Variants in GORASP1 observed in about 807,000 individuals in gnomAD.
GORASP1 encodes the protein golgi reassembly stacking protein 1.
Under a neutral mutation model 37.7 loss-of-function variants are expected in GORASP1, and 31 were observed. The observed-to-expected ratio is 0.82, with a 90% CI of 0.62 to 1.11. GORASP1 has a LOEUF of 1.11. GORASP1 is among the 50% of genes least tolerant of loss of function. The pLI, the probability that GORASP1 is intolerant of heterozygous loss-of-function variation, is 0.00. For missense variants in GORASP1, 476 were observed against 560.7 expected, an observed-to-expected ratio of 0.85 and a Z score of 1.53; for synonymous variants, 204 against 224.8, an observed-to-expected ratio of 0.91 and a Z score of 0.83.
Position 39,098,901 on chromosome 3 carries a change from A to T in GORASP1, c.917-8T>A, listed in dbSNP as rs1405927519. On this transcript the variant is annotated splice_region_variant and splice_polypyrimidine_tract_variant and intron_variant, in intron 7 of 8. Coordinates refer to ENST00000319283, the MANE Select transcript of GORASP1 (RefSeq NM_031899.4). The surrounding 1 kb of genome is among the most constrained non-coding windows in gnomAD (Gnocchi z 4.7). ...CCGACACGTCCAGGAAGCCTAGGGG[A>T]GGGTGGTGCAGTTCTTTGCCAGCAA... 6.2e-7 allele frequency: 1 copy of T among 1,613,432 alleles called. No individual in the cohort carries two copies.
At position 39,102,787 on chromosome 3, in the gene GORASP1, C is replaced by T. The variant is rs766833329; in HGVS notation, c.239G>A (p.Arg80His). ...EVFNMKTMRVREVEVVPSNMW... is the reference protein window; with the variant it reads ...EVFNMKTMRVHEVEVVPSNMW... ...GTTGCTGGGCACCACCTCCACCTCG[C>T]GCACCCTCATGGTCTTCATATTGAA... Residue 80 changes from arginine to histidine, a missense_variant, in exon 3 of 9, where the codon CGC (arginine) becomes CAC (histidine). Transcript: ENST00000319283. The surrounding 1 kb of genome is among the most constrained non-coding windows in gnomAD (Gnocchi z 5.0). 4.3e-6 allele frequency: 7 copies of T among 1,614,192 alleles called. No homozygotes were observed. The highest frequency in any genetic ancestry group is 1.6e-4 in the Middle Eastern group (1 of 6,062).
intron 7 of GORASP1, chr3:39,099,145 A>G (rs913922798): frequency 7.6e-6 from 6 of 791,728 alleles, no homozygotes; most frequent in African/African-American, 5.1e-5. Flanking sequence ...TCTGTGTCCA[A>G]TTTGCTGTGT....
intron 1 of GORASP1, among the ~76,000 whole-genome samples, chr3:39,104,411 A>G (rs2035907553): frequency 6.6e-6 from 1 of 152,200 alleles, no homozygotes; most frequent in African/African-American, 2.4e-5. Flanking sequence ...CCCCATATAC[A>G]GAGCCTGGCT....
rs140645777 is a variant in GORASP1, at chr3:39,106,823, A to C, written c.63+656T>G. 405 of 274,418 alleles carry C rather than the reference A, an allele frequency of 1.5e-3. 5 individuals carry two copies. In the East Asian group the frequency reaches 0.04, roughly 27 times the overall value. 17.0% of individuals were successfully genotyped at this position (274,418 alleles called of 1,614,324 possible). On this transcript the variant is annotated intron_variant, in intron 1 of 8. Coordinates refer to ENST00000319283, the MANE Select transcript of GORASP1 (RefSeq NM_031899.4). Reference sequence around the variant, plus strand: ...ACCCCACTCCGTCTCCACTCTCCGGAAGCCTGCTCGCCCAGACCTCCATGT... The same window carrying C: ...ACCCCACTCCGTCTCCACTCTCCGGCAGCCTGCTCGCCCAGACCTCCATGT...
chr3:39,102,542 T>A lies in GORASP1; in HGVS notation c.348+136A>T. 1.2e-6 allele frequency: 1 copy of A among 812,254 alleles called. No individual in the cohort carries two copies. The allele number at this position is 812,254 out of a possible 1,614,324, so 50.3% of individuals were successfully genotyped here. On this transcript the variant is annotated intron_variant, in intron 3 of 8. Coordinates refer to ENST00000319283, the MANE Select transcript of GORASP1 (RefSeq NM_031899.4). This position sits in a 1 kb window ranked among gnomAD's most constrained non-coding sequence, Gnocchi z 5.0. ...ACTGGAATGAGACCACATCCTGCCC[T>A]CAGTCTTCCCTGGCCACTGCTCCAA...
rs753945398 is a variant in GORASP1, at chr3:39,098,346, C to T, written c.1213G>A (p.Glu405Lys). The change falls in exon 9 of 9, where the codon GAG becomes AAG. Residue 405 changes from glutamate (E) to lysine (K), a missense_variant. Physicochemically the swap from Glu to Lys is moderately conservative, Grantham distance 56. Coordinates refer to ENST00000319283, the MANE Select transcript of GORASP1 (RefSeq NM_031899.4). This position sits in a 1 kb window ranked among gnomAD's most constrained non-coding sequence, Gnocchi z 4.7. ...AASPEDGLSA[E>K]LLEAQAEEEP... ...TCCTCAGCCTGAGCTTCAAGCAGCTCGGCGGACAGCCCATCTTCTGGTGAG... is the reference window on the plus strand; with the variant it reads ...TCCTCAGCCTGAGCTTCAAGCAGCTTGGCGGACAGCCCATCTTCTGGTGAG... 1 of 1,614,188 alleles carries T rather than the reference C, an allele frequency of 6.2e-7. No individual in the cohort carries two copies.
rs1247660962 is a variant in GORASP1 at position 39,098,599 on chromosome 3, G to T, written c.1070-110C>A. On this transcript the variant is annotated intron_variant, in intron 8 of 8. Coordinates refer to ENST00000319283, the MANE Select transcript of GORASP1 (RefSeq NM_031899.4). This position sits in a 1 kb window ranked among gnomAD's most constrained non-coding sequence, Gnocchi z 4.7. ...CATTGCCACTCCAGGTTTGATGGGG[G>T]ATTGGAGATGGAGTGTACAAATGCC... 9 of 1,492,054 alleles carry T rather than the reference G, an allele frequency of 6.0e-6. No individual in the cohort carries two copies. Among genetic ancestry groups the T allele is most frequent in the Admixed American group, 4.0e-5 (2 of 50,624 alleles). 92.4% of individuals were successfully genotyped at this position (1,492,054 alleles called of 1,614,324 possible).
intron 1 of GORASP1, 34 bp downstream of exon 1, chr3:39,107,445 C>G (rs750999316): frequency 1.5e-6 from 2 of 1,295,710 alleles, no homozygotes; most frequent in African/African-American, 1.6e-5. Flanking sequence ...GCGGGCGCCT[C>G]GCCAAGGTCA....
In GORASP1 at chr3:39,098,646, G is replaced by C. The variant is rs115379307; in HGVS notation, c.1069+95C>G. 12 of 1,527,788 alleles carry C rather than the reference G, an allele frequency of 7.9e-6. No homozygotes were observed. In the Admixed American group the frequency reaches 1.3e-4, roughly 16 times the overall value. 94.6% of individuals were successfully genotyped at this position (1,527,788 alleles called of 1,614,324 possible). ...TGCCTTGGTGTGGCTGTATCAACCCGATGGCCCACTTCTGCCCAGCTGAGG... is the reference window on the plus strand; with the variant it reads ...TGCCTTGGTGTGGCTGTATCAACCCCATGGCCCACTTCTGCCCAGCTGAGG... On this transcript the variant is annotated intron_variant, in intron 8 of 8. Transcript: ENST00000319283. The surrounding 1 kb of genome is among the most constrained non-coding windows in gnomAD (Gnocchi z 4.7).
intron 3 of GORASP1, chr3:39,101,471 A>C: frequency 2.1e-6 from 1 of 482,370 alleles, no homozygotes; most frequent in Non-Finnish European, 4.1e-6. Flanking sequence ...AGGGTTGCTG[A>C]GAAAAATAAA....
rs1231520481 is a variant in GORASP1 at position 39,102,214 on chromosome 3, G to C, written c.348+464C>G. Among the ~76,000 whole-genome samples the C allele has an allele frequency of 6.6e-6, 1 of 152,136 alleles. No individual in the cohort carries two copies. The highest frequency in any genetic ancestry group is 2.1e-4 in the South Asian group (1 of 4,828). On this transcript the variant is annotated intron_variant, in intron 3 of 8. Transcript: ENST00000319283. The surrounding 1 kb of genome is among the most constrained non-coding windows in gnomAD (Gnocchi z 5.0). ...AACTGTAACACAATTAAGTATCTGT[G>C]TGTCTAAACATTCAGGCATAGAACA...
In GORASP1 at chr3:39,103,123, A is replaced by G. The variant is rs1313274418; in HGVS notation, c.145-242T>C. 6 of 601,920 alleles carry G rather than the reference A, an allele frequency of 1.0e-5. No homozygotes were observed. The highest frequency in any genetic ancestry group is 5.5e-5 in the East Asian group (2 of 36,126). 37.3% of individuals were successfully genotyped at this position (601,920 alleles called of 1,614,324 possible). A position where few individuals can be genotyped will look rare whatever the true frequency, so the allele number is the denominator to read the frequency against. ...CTTCCTCAGCCTGCCAGAAAAAACA[A>G]AGCAAGCAAAAAGCCTCCCAGATCC... On this transcript the variant is annotated intron_variant, in intron 2 of 8. Transcript: ENST00000319283. The surrounding 1 kb of genome is among the most constrained non-coding windows in gnomAD (Gnocchi z 5.2).
rs771360736 is a variant in GORASP1, at chr3:39,101,067, G to A, written c.384C>T (p.Gly128=). ...CCACATAGTCTGTGTAGGGGCGCAG[G>A]CCGGCAAGGGCAGCAGGTGAAGATG... ...VEPSSPAALA[G]LRPYTDYVVG... Residue 128 remains glycine, a synonymous_variant, in exon 4 of 9, where the codon GGC becomes GGT. Coordinates refer to ENST00000319283, the MANE Select transcript of GORASP1 (RefSeq NM_031899.4). 4 of 1,614,150 alleles carry A rather than the reference G, an allele frequency of 2.5e-6. No homozygotes were observed. Among genetic ancestry groups the A allele is most frequent in the East Asian group, 2.2e-5 (1 of 44,888 alleles).
Position 39,103,814 on chromosome 3 carries a change from C to T in GORASP1, c.64-261G>A, listed in dbSNP as rs568370854. On this transcript the variant is annotated intron_variant, in intron 1 of 8. Coordinates refer to ENST00000319283, the MANE Select transcript of GORASP1 (RefSeq NM_031899.4). The surrounding 1 kb of genome is among the most constrained non-coding windows in gnomAD (Gnocchi z 5.2). Reference sequence around the variant, plus strand: ...GAAATGGCTCACAGCCCAGGACATCCTTAGGGGCTCCCAGGAGGCAATATG... The same window carrying T: ...GAAATGGCTCACAGCCCAGGACATCTTTAGGGGCTCCCAGGAGGCAATATG... 1.0e-5 allele frequency: 4 copies of T among 389,744 alleles called. No individual in the cohort carries two copies. The East Asian group carries it at 1.8e-4, about 18-fold the overall frequency. 24.1% of individuals were successfully genotyped at this position (389,744 alleles called of 1,614,324 possible).
chr3:39,101,647 A>G, intron 3 of GORASP1: 1 of 441,820 alleles, frequency 2.3e-6, no homozygotes, highest in Non-Finnish European at 4.6e-6. Flanking sequence ...AAGTTCCACC[A>G]CTCCCAATCT....
At position 39,100,642 on chromosome 3, in the gene GORASP1, C is replaced by T; in HGVS notation, c.566+105G>A. On this transcript the variant is annotated intron_variant, in intron 5 of 8. Coordinates refer to ENST00000319283, the MANE Select transcript of GORASP1 (RefSeq NM_031899.4). The surrounding 1 kb of genome is among the most constrained non-coding windows in gnomAD (Gnocchi z 4.6). ...CCGGTCAGCCTCAGGATCCCTGGGC[C>T]CAGGGCCCAACCCTCCTCCATCTCC... is the stretch of plus-strand genomic sequence containing the variant. 2 of 1,513,016 alleles carry T rather than the reference C, an allele frequency of 1.3e-6. No homozygotes were observed. Among genetic ancestry groups the T allele is most frequent in the Non-Finnish European group, 1.8e-6 (2 of 1,122,178 alleles). The allele number at this position is 1,513,016 out of a possible 1,614,324, so 93.7% of individuals were successfully genotyped here. A position where few individuals can be genotyped will look rare whatever the true frequency, so the allele number is the denominator to read the frequency against.
chr3:39,101,458 G>A, intron 3 of GORASP1: 1 of 498,136 alleles, frequency 2.0e-6, no homozygotes, highest in South Asian at 1.6e-5. Context: ...AGTACCTAAT[G>A]ATAGGGTTGC....
At chr3:39,104,671 C>T (rs1046588151) in intron 1 of GORASP1, among the ~76,000 whole-genome samples, 5 of 152,216 alleles carry the variant, frequency 3.3e-5, no homozygotes, top group Non-Finnish European at 5.9e-5. Context: ...GAGAACAAAC[C>T]GCTGAGATCA....
chr3:39,100,476 A>G lies in GORASP1; in HGVS notation c.594T>C (p.Tyr198=). Residue 198 remains tyrosine, a synonymous_variant, in exon 6 of 9, where the codon TAT becomes TAC. Transcript: ENST00000319283. This position sits in a 1 kb window ranked among gnomAD's most constrained non-coding sequence, Gnocchi z 4.6. The part of the protein sequence containing the change: ...GSLGCGIGYG[Y]LHRIPTQPPS... ...GGGGCTGAGTTGGGATCCGGTGTAG[A>G]TACCCATAGCCAATGCCACATCCCA... 1 of 1,593,588 alleles carries G rather than the reference A, an allele frequency of 6.3e-7. No individual in the cohort carries two copies. The highest frequency in any genetic ancestry group is 8.5e-7 in the Non-Finnish European group (1 of 1,169,962).
Sources: gnomAD v4.1 joint callset for allele counts (sites outside exome capture counted in the v4.1 genomes callset) on GRCh38, gnomAD v4.1.1 for gene constraint, Gnocchi (gnomAD v3.1) non-coding constraint, MANE v1.5 for transcripts, NCBI Gene and HGNC (gene_info 2026-07-23, HGNC 2026-07-21) for gene names.